NOL4L: variants seen among roughly 807,000 people sequenced by gnomAD.
NOL4L encodes nucleolar protein 4 like.
NOL4L carries 7 observed loss-of-function variants against 64.5 expected under a neutral mutation model. The ratio of observed to expected loss-of-function variants is 0.11; its 90% CI spans 0.06 to 0.20. The LOEUF is 0.20. NOL4L is among the 10% of genes least tolerant of loss of function. The probability of loss-of-function intolerance (pLI) is 1.00; values close to 1 mark genes in which losing one functional copy is unlikely to be tolerated. For missense variants in NOL4L, 680 were observed against 967.1 expected (o/e 0.70, Z 3.94); for synonymous variants, 413 against 401.0 (o/e 1.03, Z -0.36).
chr20:32,527,656 C>T (rs920895340), intron 2 of NOL4L, 102 bp downstream of exon 2: 48 of 1,395,558 alleles, frequency 3.4e-5, no homozygotes, highest in Admixed American at 4.9e-5. Context: ...TTCATCACGC[C>T]TCAGCTCCCT....
intron 4 of NOL4L, among the ~76,000 whole-genome samples, chr20:32,490,803 G>C (rs4911235): frequency 0.36 from 55,370 of 152,068 alleles, 11,214 homozygotes; most frequent in East Asian, 0.84. Flanking sequence ...GTTAATTCTG[G>C]TCATGTCGCT....
At chr20:32,552,781 T>C (rs550866066) in intron 1 of NOL4L, among the ~76,000 whole-genome samples, 1 of 152,278 alleles carries the variant, frequency 6.6e-6, no homozygotes, top group Admixed American at 6.5e-5. Context: ...GACGGGCAGA[T>C]TGCCTGAGGT....
chr20:32,519,101 G>A (rs1001111653), intron 3 of NOL4L, among the ~76,000 whole-genome samples: 1 of 152,244 alleles, frequency 6.6e-6, no homozygotes, highest in Admixed American at 6.5e-5. Flanking sequence ...CACAGCAGCT[G>A]AATGGTAGTG....
intron 1 of NOL4L, chr20:32,537,192 C>T (rs982862954): frequency 4.6e-6 from 4 of 865,638 alleles, no homozygotes; most frequent in Non-Finnish European, 5.6e-6. Context: ...TCCTCACAGA[C>T]CCTCCGCGGT....
At position 32,453,054 on chromosome 20, in the gene NOL4L, T is replaced by C; in HGVS notation, c.1498-48A>G. 8 of 1,606,854 alleles carry C rather than the reference T, an allele frequency of 5.0e-6. 1 individual carries two copies. Among genetic ancestry groups the C allele is most frequent in the Non-Finnish European group, 5.9e-6 (7 of 1,178,974 alleles). ...GCTAGCATGGGGCCCGTGGGGGCCC[T>C]GGGCTTGTGCAGAGACCCTGCCCCA... On this transcript the variant is annotated intron_variant, in intron 8 of 10. Transcript: ENST00000621426. The surrounding 1 kb of genome is among the most constrained non-coding windows in gnomAD (Gnocchi z 5.6).
chr20:32,481,308 T>C (rs1269373309), intron 4 of NOL4L, among the ~76,000 whole-genome samples: 1 of 152,124 alleles, frequency 6.6e-6, no homozygotes, highest in Non-Finnish European at 1.5e-5. Flanking sequence ...GGGGGTTTCT[T>C]TAAAAGTGAA....
chr20:32,469,181 C>A (rs1406076787), intron 5 of NOL4L, among the ~76,000 whole-genome samples: 3 of 152,146 alleles, frequency 2.0e-5, no homozygotes, highest in Non-Finnish European at 4.4e-5. Flanking sequence ...AAGCTTTGAA[C>A]TGTGGCTGGC....
chr20:32,544,368 G>T (rs2018703927), intron 1 of NOL4L, among the ~76,000 whole-genome samples: 1 of 151,990 alleles, frequency 6.6e-6, no homozygotes, highest in Non-Finnish European at 1.5e-5. Context: ...CGTGGTGAGG[G>T]GCTGTGTGCA....
chr20:32,518,769 T>C (rs1361612961), intron 3 of NOL4L, among the ~76,000 whole-genome samples: 5 of 152,196 alleles, frequency 3.3e-5, no homozygotes, highest in African/African-American at 1.2e-4. Context: ...CCCTGCGGCC[T>C]AAACCCTGGC....
intron 1 of NOL4L, among the ~76,000 whole-genome samples, chr20:32,558,424 AG>A (rs1329590481): frequency 6.6e-6 from 1 of 152,156 alleles, no homozygotes; most frequent in Non-Finnish European, 1.5e-5. Flanking sequence ...GGGTGTGTGT[AG>A]GGGGGCAAGC....
At chr20:32,564,382 C>T (rs1005428015) in intron 1 of NOL4L, among the ~76,000 whole-genome samples, 7 of 152,184 alleles carry the variant, frequency 4.6e-5, no homozygotes, top group African/African-American at 1.7e-4. Flanking sequence ...CGCTCTCAGC[C>T]CCATTTACAG....
At chr20:32,492,387 G>A (rs754346661) in intron 4 of NOL4L, among the ~76,000 whole-genome samples, 1 of 152,234 alleles carries the variant, frequency 6.6e-6, no homozygotes, top group Non-Finnish European at 1.5e-5. Flanking sequence ...TATGCTCCTA[G>A]AAGTCAGGTC....
chr20:32,527,616 C>T (rs1217568476), intron 2 of NOL4L, 142 bp downstream of exon 2: 2 of 958,146 alleles, frequency 2.1e-6, no homozygotes, highest in African/African-American at 3.3e-5. Context: ...GTGCCCTTGC[C>T]CTGTGCCCCC....
chr20:32,498,662 C>T (rs1252536953), intron 4 of NOL4L, among the ~76,000 whole-genome samples: 1 of 147,294 alleles, frequency 6.8e-6, no homozygotes, highest in African/African-American at 2.5e-5. Flanking sequence ...ACTCGGGAGG[C>T]TGAGGTGGGA....
chr20:32,578,142 G>GGAAGGAGGGAA (rs1311102583), intron 1 of NOL4L, among the ~76,000 whole-genome samples: 2 of 49,104 alleles, frequency 4.1e-5, no homozygotes, highest in African/African-American at 3.1e-4. Flanking sequence ...GAAGGAAGGA[G>GGAAGGAGGGAA]GGAGGGAGGG....
Position 32,466,875 on chromosome 20 carries a change from G to A in NOL4L, c.841+7726C>T, listed in dbSNP as rs542787749. 7.9e-5 allele frequency among the ~76,000 whole-genome samples: 12 copies of A among 152,322 alleles called. 1 individual carries two copies. The South Asian group carries it at 2.3e-3, about 29-fold the overall frequency. ...CCATGCAATACTGACCAGAGCAGACGTCTGGCCATGAGTGTTGGGTCCACG... is the reference window on the plus strand; with the variant it reads ...CCATGCAATACTGACCAGAGCAGACATCTGGCCATGAGTGTTGGGTCCACG... On this transcript the variant is annotated intron_variant, in intron 5 of 10. Transcript: ENST00000621426.
intron 1 of NOL4L, among the ~76,000 whole-genome samples, chr20:32,544,878 A>G (rs1485081000): frequency 6.6e-6 from 1 of 152,204 alleles, no homozygotes; most frequent in Non-Finnish European, 1.5e-5. Context: ...AACCCATACT[A>G]TGACACGAAA....
At chr20:32,485,085 A>AAAAAAAAC (rs1568643237) in intron 4 of NOL4L, among the ~76,000 whole-genome samples, 1 of 144,298 alleles carries the variant, frequency 6.9e-6, no homozygotes, top group Non-Finnish European at 1.5e-5. Flanking sequence ...AAAAAAAAAA[A>AAAAAAAAC]AACAACTAAA....
rs558763895 is a variant in NOL4L at position 32,474,409 on chromosome 20, C to A, written c.841+192G>T. On this transcript the variant is annotated intron_variant, in intron 5 of 10. Coordinates refer to ENST00000621426, the MANE Select transcript of NOL4L (RefSeq NM_001256798.2). ...TCCCTCATCTTTGGGAGGAAGGAGC[C>A]AGGAGCTGGGGCACTGGGGCCCATG... Among the ~76,000 whole-genome samples, 8 of 152,378 alleles carry A rather than the reference C, an allele frequency of 5.3e-5. 1 individual carries two copies. In the South Asian group the frequency reaches 1.7e-3, roughly 32 times the overall value.
Sources: allele counts gnomAD v4.1 joint callset (sites outside exome capture counted in the v4.1 genomes callset), GRCh38; gene constraint gnomAD v4.1.1; non-coding constraint Gnocchi (gnomAD v3.1); transcripts MANE v1.5; gene names NCBI Gene and HGNC (gene_info 2026-07-23, HGNC 2026-07-21).